The following PALS2 variants were observed in gnomAD, a reference collection of about 807,000 sequenced individuals.
PALS2 encodes the protein protein associated with LIN7 2, MAGUK p55 family member.
In PALS2, 27 loss-of-function variants were observed where a neutral mutation model predicts 61.6. That is an observed-to-expected ratio of 0.44 (90% CI 0.32 to 0.60). PALS2 has a LOEUF of 0.60. Among genes scored for constraint, PALS2 ranks in the 20% least tolerant of loss-of-function variants. The probability of loss-of-function intolerance (pLI) is 0.05; values close to 1 mark genes in which losing one functional copy is unlikely to be tolerated. For missense variants in PALS2, 554 were observed against 639.4 expected, an observed-to-expected ratio of 0.87 and a Z score of 1.44; for synonymous variants, 236 against 218.6, an observed-to-expected ratio of 1.08 and a Z score of -0.70.
chr7:24,658,215 C>T (rs1248563547), intron 5 of PALS2, among the ~76,000 whole-genome samples: 1 of 152,096 alleles, frequency 6.6e-6, no homozygotes, highest in Non-Finnish European at 1.5e-5. Context: ...TTAATCACAC[C>T]TAGTGGGTAT....
chr7:24,648,218 A>T (rs1785943325), intron 3 of PALS2, among the ~76,000 whole-genome samples: 1 of 151,530 alleles, frequency 6.6e-6, no homozygotes, highest in Non-Finnish European at 1.5e-5. Flanking sequence ...TTGAACTTGA[A>T]TTCTATCCAG....
At chr7:24,603,369 G>C (rs971783678) in intron 1 of PALS2, among the ~76,000 whole-genome samples, 11 of 152,268 alleles carry the variant, frequency 7.2e-5, no homozygotes, top group South Asian at 4.1e-4. Flanking sequence ...TGGTGGATTT[G>C]GTTGGAAACA....
Position 24,682,792 on chromosome 7 carries a change from A to C in PALS2, c.1446+2272A>C, listed in dbSNP as rs1217872680. 5.9e-5 allele frequency among the ~76,000 whole-genome samples: 9 copies of C among 152,086 alleles called. No homozygotes were observed. In the East Asian group the frequency reaches 1.5e-3, roughly 26 times the overall value. ...CACATTGTACTTTAGTTGTTAAAAT[A>C]ATAATAATAATAATAAGTCACTTAT... is the stretch of plus-strand genomic sequence containing the variant. On this transcript the variant is annotated intron_variant, in intron 11 of 11. Coordinates refer to ENST00000222644, the MANE Select transcript of PALS2 (RefSeq NM_001303037.2).
At chr7:24,634,696 T>C (rs1785158284) in intron 2 of PALS2, among the ~76,000 whole-genome samples, 1 of 152,204 alleles carries the variant, frequency 6.6e-6, no homozygotes, top group Admixed American at 6.5e-5. Context: ...CATTTAGGTG[T>C]TGGATCCATT....
chr7:24,664,675 A>G (rs1469550404), intron 6 of PALS2, among the ~76,000 whole-genome samples: 2 of 152,142 alleles, frequency 1.3e-5, no homozygotes, highest in African/African-American at 2.4e-5. Context: ...TAAGTGCACT[A>G]TGTGTTGAGA....
intron 1 of PALS2, among the ~76,000 whole-genome samples, chr7:24,597,927 G>A (rs1312644373): frequency 6.6e-6 from 1 of 152,110 alleles, no homozygotes; most frequent in East Asian, 1.9e-4. Context: ...TTGGGAGCTT[G>A]TTTCTTTTTG....
intron 1 of PALS2, among the ~76,000 whole-genome samples, chr7:24,613,036 A>T (rs1193663275): frequency 6.6e-6 from 1 of 151,714 alleles, no homozygotes; most frequent in Non-Finnish European, 1.5e-5. Flanking sequence ...GATATATCTT[A>T]AGCATTGAGA....
Position 24,668,521 on chromosome 7 carries a change from G to A in PALS2, c.975G>A (p.Gln325=), listed in dbSNP as rs772836512. 1.2e-6 allele frequency: 2 copies of A among 1,612,784 alleles called. No individual in the cohort carries two copies. The highest frequency in any genetic ancestry group is 1.1e-5 in the South Asian group (1 of 90,942). The change falls in exon 9 of 12, where the codon CAG becomes CAA. Residue 325 remains glutamine (Q), a synonymous_variant. Coordinates refer to ENST00000222644, the MANE Select transcript of PALS2 (RefSeq NM_001303037.2). The part of the protein sequence containing the change: ...RNAEFDRHEI[Q]IYEEVAKMPP... ...TAGAATTTGATCGTCATGAAATCCA[G>A]ATATATGAGGAGGTAGCCAAAATGC... is the stretch of plus-strand genomic sequence containing the variant.
chr7:24,608,437 A>G (rs1784001989), intron 1 of PALS2, among the ~76,000 whole-genome samples: 1 of 151,842 alleles, frequency 6.6e-6, no homozygotes, highest in African/African-American at 2.4e-5. Flanking sequence ...CACTTATTCT[A>G]TTCTTGTCTT....
intron 1 of PALS2, among the ~76,000 whole-genome samples, chr7:24,602,460 T>C (rs888732136): frequency 1.3e-5 from 2 of 152,112 alleles, no homozygotes; most frequent in Non-Finnish European, 2.9e-5. Context: ...CTGGGTTATT[T>C]GGGGGTAATA....
At chr7:24,629,979 A>G (rs1784925858) in intron 2 of PALS2, among the ~76,000 whole-genome samples, 2 of 152,348 alleles carry the variant, frequency 1.3e-5, no homozygotes, top group Middle Eastern at 3.4e-3. Flanking sequence ...ATTATTGGGT[A>G]TATACCCAAA....
At chr7:24,615,623 T>G (rs1278805693) in intron 1 of PALS2, among the ~76,000 whole-genome samples, 2 of 151,564 alleles carry the variant, frequency 1.3e-5, no homozygotes, top group Non-Finnish European at 3.0e-5. Flanking sequence ...CAAAGGAAAG[T>G]CCAGGACTGG....
chr7:24,617,556 G>A (rs1330924005), intron 1 of PALS2, among the ~76,000 whole-genome samples: 2 of 152,166 alleles, frequency 1.3e-5, no homozygotes, highest in Non-Finnish European at 2.9e-5. Flanking sequence ...TATTGGTTGC[G>A]TGGGGTGCAT....
At chr7:24,617,695 G>C (rs986783694) in intron 1 of PALS2, among the ~76,000 whole-genome samples, 1 of 152,222 alleles carries the variant, frequency 6.6e-6, no homozygotes, top group Non-Finnish European at 1.5e-5. Context: ...CGATGGTGCA[G>C]CTTTGCCAGG....
intron 8 of PALS2, among the ~76,000 whole-genome samples, chr7:24,667,898 C>T (rs539725006): frequency 1.3e-5 from 2 of 151,922 alleles, no homozygotes; most frequent in Non-Finnish European, 2.9e-5. Flanking sequence ...AATCTCTTGA[C>T]CTCGTGATTC....
chr7:24,650,392 C>G, intron 4 of PALS2, 93 bp from the exon 5 acceptor site: 4 of 1,023,004 alleles, frequency 3.9e-6, no homozygotes, highest in Non-Finnish European at 5.6e-6. Flanking sequence ...TTCATTTTAC[C>G]TAGTTTTAGA....
chr7:24,653,539 G>A (rs1260328376), intron 5 of PALS2, among the ~76,000 whole-genome samples: 2 of 152,020 alleles, frequency 1.3e-5, no homozygotes, highest in African/African-American at 4.8e-5. Flanking sequence ...TTCCACTCAC[G>A]AAATTCCACT....
At position 24,689,426 on chromosome 7, in the gene PALS2, A is replaced by G. The variant is rs1481169051; in HGVS notation, c.*1812A>G. The G allele has an allele frequency of 5.9e-5, 9 of 152,114 alleles. No individual in the cohort carries two copies. The highest frequency in any genetic ancestry group is 8.8e-5 in the Non-Finnish European group (6 of 68,024). 9.4% of individuals were successfully genotyped at this position (152,114 alleles called of 1,614,324 possible). ...GCTGAATTTGTTTTTTCCCTCACCA[A>G]AGTTGTCATTTGGAACGCCAGCTGG... On this transcript the variant is annotated 3_prime_UTR_variant, in exon 12 of 12. Coordinates refer to ENST00000222644, the MANE Select transcript of PALS2 (RefSeq NM_001303037.2).
At chr7:24,605,782 AAAAC>A (rs1783878429) in intron 1 of PALS2, among the ~76,000 whole-genome samples, 1 of 152,186 alleles carries the variant, frequency 6.6e-6, no homozygotes, top group Non-Finnish European at 1.5e-5. Flanking sequence ...CCTGTGTAAT[AAAAC>A]AATAATTTAA....
Sources: gnomAD v4.1 joint callset for allele counts (sites outside exome capture counted in the v4.1 genomes callset) on GRCh38, gnomAD v4.1.1 for gene constraint, MANE v1.5 for transcripts, NCBI Gene and HGNC (gene_info 2026-07-23, HGNC 2026-07-21) for gene names.